The following PPARGC1A variants were observed in gnomAD, a reference collection of about 807,000 sequenced individuals.
PPARGC1A encodes peroxisome proliferator-activated receptor gamma coactivator 1-alpha.
In PPARGC1A, 25 loss-of-function variants were observed where a neutral mutation model predicts 88.7. The observed-to-expected ratio is 0.28, with a 90% CI of 0.21 to 0.39. PPARGC1A has a LOEUF of 0.39. PPARGC1A is among the 10% of genes least tolerant of loss of function. The pLI, the probability that PPARGC1A is intolerant of heterozygous loss-of-function variation, is 1.00. For synonymous variants in PPARGC1A, 363 were observed against 355.6 expected, an observed-to-expected ratio of 1.02 and a Z score of -0.24; for missense variants, 880 against 968.7, an observed-to-expected ratio of 0.91 and a Z score of 1.22.
intron 10 of PPARGC1A, among the ~76,000 whole-genome samples, chr4:23,812,290 T>C (rs1279602404): frequency 1.3e-5 from 2 of 152,024 alleles, no homozygotes; most frequent in African/African-American, 4.8e-5. Flanking sequence ...CTCCTTTAAA[T>C]CCAACTTGAA....
the PPARGC1A span, among the ~76,000 whole-genome samples, chr4:23,974,799 A>ATTTTTTTTTT: frequency 1.5e-3 from 93 of 61,120 alleles, 2 homozygotes; most frequent in African/African-American, 5.0e-3. Context: ...GGCCCGGCTA[A>ATTTTTTTTTT]TTTTTTTTTT....
At chr4:24,330,034 C>T in the PPARGC1A span, among the ~76,000 whole-genome samples, 1 of 152,202 alleles carries the variant, frequency 6.6e-6, no homozygotes, top group Admixed American at 6.5e-5. Context: ...TCATTATCAT[C>T]ATCATGAACA....
At chr4:24,224,109 G>C in the PPARGC1A span, among the ~76,000 whole-genome samples, 1 of 152,180 alleles carries the variant, frequency 6.6e-6, no homozygotes, top group East Asian at 1.9e-4. Context: ...CGACAGTGTC[G>C]TTACTGAGTG....
rs1577385024 is a variant in PPARGC1A, at chr4:23,818,488, C to T, written c.878-3883G>A. On this transcript the variant is annotated intron_variant, in intron 7 of 12. Transcript: ENST00000264867. The stretch of plus-strand genomic sequence containing the variant: ...TGTCAGACAAATCACATAACACAAA[C>T]AATCAAGAGTATGTAGGTCATATTT... 1.3e-5 allele frequency among the ~76,000 whole-genome samples: 2 copies of T among 152,064 alleles called. 1 individual carries two copies. The highest frequency in any genetic ancestry group is 4.1e-4 in the South Asian group (2 of 4,836).
chr4:23,798,688 T>C (rs1464854113), intron 12 of PPARGC1A, among the ~76,000 whole-genome samples: 3 of 152,348 alleles, frequency 2.0e-5, no homozygotes, highest in South Asian at 4.1e-4. Flanking sequence ...CCTGTAGTCC[T>C]ACTTTAATTT....
the PPARGC1A span, among the ~76,000 whole-genome samples, chr4:24,258,595 T>A: frequency 7.3e-4 from 111 of 152,320 alleles, 1 homozygote; most frequent in African/African-American, 2.5e-3. Flanking sequence ...AATTCCCATA[T>A]CCATTTTAAA....
At position 23,829,457 on chromosome 4, in the gene PPARGC1A, T is replaced by G; in HGVS notation, c.552+6A>C. 6.2e-6 allele frequency: 10 copies of G among 1,612,596 alleles called. No individual in the cohort carries two copies. The highest frequency in any genetic ancestry group is 1.7e-5 in the Admixed American group (1 of 60,002). On this transcript the variant is annotated splice_donor_region_variant and intron_variant, in intron 4 of 12. Coordinates refer to ENST00000264867, the MANE Select transcript of PPARGC1A (RefSeq NM_013261.5). ...CCCCCCTGTATTAAAAAATTTACATTTGTACCTTAACAATTGCAGGGTTTG... is the reference window on the plus strand; with the variant it reads ...CCCCCCTGTATTAAAAAATTTACATGTGTACCTTAACAATTGCAGGGTTTG...
the PPARGC1A span, among the ~76,000 whole-genome samples, chr4:24,292,100 GATTCA>G: frequency 6.6e-6 from 1 of 152,132 alleles, no homozygotes; most frequent in Non-Finnish European, 1.5e-5. Flanking sequence ...TGCTGTGGGA[GATTCA>G]GCCACGCTGA....
Position 23,801,638 on chromosome 4 carries a change from T to C in PPARGC1A, c.2293+92A>G, listed in dbSNP as rs1033524735. On this transcript the variant is annotated intron_variant, in intron 12 of 12. Transcript: ENST00000264867. ...CATTCCCTTTAGTAAAATAAAGTGA[T>C]GGTTCAACCCAAGGTGCCTACGGAT... 5 of 1,355,726 alleles carry C rather than the reference T, an allele frequency of 3.7e-6. No individual in the cohort carries two copies. In the East Asian group the frequency reaches 9.3e-5, roughly 25 times the overall value. 84.0% of individuals were successfully genotyped at this position (1,355,726 alleles called of 1,614,324 possible).
At chr4:24,462,691 T>C in the PPARGC1A span, among the ~76,000 whole-genome samples, 1 of 151,162 alleles carries the variant, frequency 6.6e-6, no homozygotes, top group Non-Finnish European at 1.5e-5. Context: ...TTACAGTAAG[T>C]GGTCTGTAAG....
intron 2 of PPARGC1A, among the ~76,000 whole-genome samples, chr4:23,877,477 G>T (rs542314140): frequency 7.2e-6 from 1 of 138,258 alleles, no homozygotes; most frequent in Non-Finnish European, 1.5e-5. Context: ...GGGGGAGGTT[G>T]CAGTGAGCTG....
the PPARGC1A span, among the ~76,000 whole-genome samples, chr4:24,393,812 T>C: frequency 1.3e-5 from 2 of 152,218 alleles, no homozygotes; most frequent in Non-Finnish European, 2.9e-5. Context: ...TAAAGAATAA[T>C]TTATGGCATA....
At chr4:24,175,302 C>A in the PPARGC1A span, among the ~76,000 whole-genome samples, 4 of 151,264 alleles carry the variant, frequency 2.6e-5, no homozygotes, top group African/African-American at 4.9e-5. Context: ...GAGATGATCC[C>A]ATTTTGTGAT....
chr4:24,376,226 C>T, the PPARGC1A span, among the ~76,000 whole-genome samples: 1 of 152,286 alleles, frequency 6.6e-6, no homozygotes, highest in Non-Finnish European at 1.5e-5. Context: ...GTTCCCACCA[C>T]AGGCAGGACA....
chr4:24,412,635 C>G, the PPARGC1A span, among the ~76,000 whole-genome samples: 2 of 152,180 alleles, frequency 1.3e-5, no homozygotes, highest in African/African-American at 4.8e-5. Context: ...CGACCACCAT[C>G]ATGGCCAGCT....
chr4:24,456,778 G>A, the PPARGC1A span, among the ~76,000 whole-genome samples: 1 of 151,966 alleles, frequency 6.6e-6, no homozygotes, highest in Admixed American at 6.6e-5. Flanking sequence ...GAGAGGCTAT[G>A]AGGGTATAAC....
chr4:24,218,036 A>G, the PPARGC1A span, among the ~76,000 whole-genome samples: 2 of 152,178 alleles, frequency 1.3e-5, no homozygotes. Context: ...TAATATTCTA[A>G]GGCTTTAATC....
chr4:24,125,335 C>T, the PPARGC1A span, among the ~76,000 whole-genome samples: 1 of 152,134 alleles, frequency 6.6e-6, no homozygotes, highest in African/African-American at 2.4e-5. Context: ...AGTGAGTACA[C>T]AGAGAGGCTC....
chr4:24,346,327 A>T, the PPARGC1A span, among the ~76,000 whole-genome samples: 1 of 151,920 alleles, frequency 6.6e-6, no homozygotes, highest in Non-Finnish European at 1.5e-5. Flanking sequence ...TTCTTTCTCT[A>T]TCTTGTGGAA....
Sources: allele counts gnomAD v4.1 joint callset (sites outside exome capture counted in the v4.1 genomes callset), GRCh38; gene constraint gnomAD v4.1.1; transcripts MANE v1.5; gene names NCBI Gene and HGNC (gene_info 2026-07-23, HGNC 2026-07-21).